MEGF8: variants seen among roughly 807,000 people sequenced by gnomAD.
MEGF8 encodes multiple EGF like domains 8, also known as multiple epidermal growth factor-like domains protein 8.
A neutral mutation model predicts 302.9 loss-of-function variants in MEGF8; 156 were observed. The ratio of observed to expected loss-of-function variants is 0.52; its 90% confidence interval spans 0.45 to 0.59. The LOEUF (loss-of-function observed/expected upper bound fraction) is 0.59, where lower values mean the gene tolerates loss of function less well. Ranked by LOEUF, MEGF8 falls within the 20% of genes least tolerant of loss-of-function variation. The pLI, the probability that MEGF8 is intolerant of heterozygous loss-of-function variation, is 0.00. For synonymous variants in MEGF8, 1,621 were observed against 1,660.5 expected (o/e 0.98, Z 0.58); for missense variants, 3,345 against 3,964.5 (o/e 0.84, Z 4.20).
chr19:42,363,863 G>C (rs559657723), intron 35 of MEGF8, among the ~76,000 whole-genome samples: 29 of 152,138 alleles, frequency 1.9e-4, no homozygotes, highest in African/African-American at 6.5e-4. Flanking sequence ...CTCCATTGTC[G>C]GGTTTCTGTC....
intron 32 of MEGF8, 140 bp downstream of exon 32, chr19:42,361,146 G>A (rs2039526236): frequency 1.1e-5 from 10 of 886,054 alleles, no homozygotes; most frequent in South Asian, 6.7e-5. Flanking sequence ...CAGGGTGGCC[G>A]GGGGAGCTCT....
rs765337936 is a variant in MEGF8 at position 42,354,664 on chromosome 19, T to C, written c.4088T>C (p.Ile1363Thr). 6.2e-7 allele frequency: 1 copy of C among 1,612,280 alleles called. No homozygotes were observed. The highest frequency in any genetic ancestry group is 8.5e-7 in the Non-Finnish European group (1 of 1,179,804). The change falls in exon 23 of 42, where the codon ATA becomes ACA. Residue 1363 changes from isoleucine (I) to threonine (T), a missense_variant. Coordinates refer to ENST00000251268, the MANE Select transcript of MEGF8 (RefSeq NM_001271938.2). The surrounding 1 kb of genome is among the most constrained non-coding windows in gnomAD (Gnocchi z 4.3). ...GTTGTCCAGTCGGACCGCAGCCTCATAGCTGCCTTCTGCGGCCAGCGACGG... is the reference window on the plus strand; with the variant it reads ...GTTGTCCAGTCGGACCGCAGCCTCACAGCTGCCTTCTGCGGCCAGCGACGG... ...TGVVQSDRSL[I>T]AAFCGQRRDR...
At chr19:42,350,850 C>G (rs1029873973) in intron 15 of MEGF8, among the ~76,000 whole-genome samples, 1 of 152,132 alleles carries the variant, frequency 6.6e-6, no homozygotes, top group South Asian at 2.1e-4. Flanking sequence ...TCCAGGAGCT[C>G]AACAGAAGTC....
rs1408926604 is a variant in MEGF8, at chr19:42,378,056, T to C, written c.*1281T>C. 6.6e-6 allele frequency: 1 copy of C among 152,170 alleles called. No homozygotes were observed. Among genetic ancestry groups the C allele is most frequent in the Non-Finnish European group, 1.5e-5 (1 of 68,028 alleles). 9.4% of individuals were successfully genotyped at this position (152,170 alleles called of 1,614,324 possible). On this transcript the variant is annotated 3_prime_UTR_variant, in exon 42 of 42. Transcript: ENST00000251268. The stretch of plus-strand genomic sequence containing the variant: ...ATTGAATGGGGCAGACTGAGGCTTG[T>C]GAGGAAGATCAGAGTCTGGTTCTTG...
chr19:42,359,303 T>C, intron 31 of MEGF8, 61 bp downstream of exon 31: 1 of 1,433,248 alleles, frequency 7.0e-7, no homozygotes. Context: ...CCCATCCCCA[T>C]CCTGGGACTC....
rs973495929 is a variant in MEGF8, at chr19:42,375,575, G to A, written c.7338G>A (p.Ser2446=). 1.5e-5 allele frequency: 24 copies of A among 1,596,968 alleles called. No individual in the cohort carries two copies. Among genetic ancestry groups the A allele is most frequent in the Admixed American group, 5.2e-5 (3 of 57,616 alleles). The stretch of plus-strand genomic sequence containing the variant: ...GCCAGCAGTGCTACCGCCTCATCTC[G>A]GTGGAGCAGGAGTGCTGCCTGGACC... ...LGGQQCYRLI[S]VEQECCLDPT... is the part of the protein sequence containing the mutation. The change falls in exon 42 of 42, where the codon TCG becomes TCA. Residue 2446 remains serine, a synonymous_variant. Coordinates refer to ENST00000251268, the MANE Select transcript of MEGF8 (RefSeq NM_001271938.2). This position sits in a 1 kb window ranked among gnomAD's most constrained non-coding sequence, Gnocchi z 7.1.
Position 42,352,292 on chromosome 19 carries a change from C to T in MEGF8, c.3186C>T (p.Ala1062=). Reference sequence around the variant, plus strand: ...GGGAGGGCCTGGGGCTTCCCGTGGCCCTCCCTGCCCGCTGGGCATACGCCC... The same window carrying T: ...GGGAGGGCCTGGGGCTTCCCGTGGCTCTCCCTGCCCGCTGGGCATACGCCC... ...WVGEGLGLPV[A]LPARWAYARC... The change falls in exon 19 of 42, where the codon GCC becomes GCT. Residue 1062 remains alanine (A), a synonymous_variant. Coordinates refer to ENST00000251268, the MANE Select transcript of MEGF8 (RefSeq NM_001271938.2). This position sits in a 1 kb window ranked among gnomAD's most constrained non-coding sequence, Gnocchi z 4.4. The T allele has an allele frequency of 6.4e-7, 1 of 1,570,806 alleles. No homozygotes were observed. Among genetic ancestry groups the T allele is most frequent in the South Asian group, 1.2e-5 (1 of 85,776 alleles).
intron 33 of MEGF8, 40 bp downstream of exon 33, chr19:42,362,253 T>C (rs1600065334): frequency 6.2e-7 from 1 of 1,609,436 alleles, no homozygotes; most frequent in African/African-American, 1.3e-5. Flanking sequence ...GCAGCAGGTG[T>C]AGGGCAGGGA....
intron 32 of MEGF8, among the ~76,000 whole-genome samples, 171 bp downstream of exon 32, chr19:42,361,177 G>A (rs2039526878): frequency 6.6e-6 from 1 of 152,226 alleles, no homozygotes; most frequent in Non-Finnish European, 1.5e-5. Flanking sequence ...CCCTGCCTGG[G>A]ACTGGGGTCT....
intron 8 of MEGF8, among the ~76,000 whole-genome samples, chr19:42,338,287 T>C (rs2039160699): frequency 6.6e-6 from 1 of 151,972 alleles, no homozygotes; most frequent in Admixed American, 6.6e-5. Context: ...TTGCCCAGGC[T>C]GGAATGCAGT....
Position 42,349,554 on chromosome 19 carries a change from G to A in MEGF8, c.2354G>A (p.Arg785His), listed in dbSNP as rs2039338608. The change falls in exon 14 of 42, where the codon CGC (arginine) becomes CAC (histidine). Residue 785 changes from arginine to histidine, a missense_variant. By Grantham distance (29) the Arg-to-His change is conservative. Transcript: ENST00000251268. ...HQEKETRRLQ[R>H]PGSARLFPLP... ...GAGAAGGAGACGCGGCGGCTGCAGC[G>A]CCCTGGGTCTGCTCGCCTCTTCCCT... 13 of 1,611,954 alleles carry A rather than the reference G, an allele frequency of 8.1e-6. No homozygotes were observed. Among genetic ancestry groups the A allele is most frequent in the Non-Finnish European group, 1.1e-5 (13 of 1,179,820 alleles).
rs532261864 is a variant in MEGF8, at chr19:42,378,242, T to TAGG, written c.*1469_*1471dup. ...CACCCTGAGACAGCCCAGAGGTGAA[T>TAGG]AGGACCCCCAGGCTGCAGGGATAAA... On this transcript the variant is annotated 3_prime_UTR_variant, in exon 42 of 42. Coordinates refer to ENST00000251268, the MANE Select transcript of MEGF8 (RefSeq NM_001271938.2). The TAGG allele has an allele frequency of 6.6e-6, 1 of 152,118 alleles. No homozygotes were observed. The highest frequency in any genetic ancestry group is 1.5e-5 in the Non-Finnish European group (1 of 68,000). The allele number at this position is 152,118 out of a possible 1,614,324, so 9.4% of individuals were successfully genotyped here. A position where few individuals can be genotyped will look rare whatever the true frequency, so the allele number is the denominator to read the frequency against.
At position 42,358,123 on chromosome 19, in the gene MEGF8, T is replaced by C. The variant is rs777030895; in HGVS notation, c.5012-21T>C. 2.0e-6 allele frequency: 3 copies of C among 1,533,102 alleles called. No homozygotes were observed. Among genetic ancestry groups the C allele is most frequent in the South Asian group, 2.5e-5 (2 of 79,734 alleles). 95.0% of individuals were successfully genotyped at this position (1,533,102 alleles called of 1,614,324 possible). ...GCTGTTGTCAGCCCCTCCCCCAGCC[T>C]GTCACCCTGCCCCTCACCAGGTCTC... On this transcript the variant is annotated intron_variant, in intron 28 of 41. Coordinates refer to ENST00000251268, the MANE Select transcript of MEGF8 (RefSeq NM_001271938.2). This position sits in a 1 kb window ranked among gnomAD's most constrained non-coding sequence, Gnocchi z 4.4.
rs768939640 is a variant in MEGF8 at position 42,358,122 on chromosome 19, C to T, written c.5012-22C>T. 9 of 1,532,460 alleles carry T rather than the reference C, an allele frequency of 5.9e-6. No homozygotes were observed. Among genetic ancestry groups the T allele is most frequent in the Non-Finnish European group, 6.1e-6 (7 of 1,141,328 alleles). The allele number at this position is 1,532,460 out of a possible 1,614,324, so 94.9% of individuals were successfully genotyped here. ...TGCTGTTGTCAGCCCCTCCCCCAGC[C>T]TGTCACCCTGCCCCTCACCAGGTCT... is the stretch of plus-strand genomic sequence containing the variant. On this transcript the variant is annotated intron_variant, in intron 28 of 41. Transcript: ENST00000251268. The surrounding 1 kb of genome is among the most constrained non-coding windows in gnomAD (Gnocchi z 4.4).
chr19:42,359,214 C>A lies in MEGF8; in HGVS notation c.5460C>A (p.Cys1820Ter). The A allele has an allele frequency of 1.9e-6, 3 of 1,591,392 alleles. No homozygotes were observed. The highest frequency in any genetic ancestry group is 2.6e-6 in the Non-Finnish European group (3 of 1,168,816). Reference sequence around the variant, plus strand: ...ACGTTCTGCTCTACCAGGTCAACTGCAATGCCTGGCTTCTGCCCGACCTCA... The same window carrying A: ...ACGTTCTGCTCTACCAGGTCAACTGAAATGCCTGGCTTCTGCCCGACCTCA... ...SSDVLLYQVN[C>*]NAWLLPDLTR... Residue 1820 changes from cysteine (C) to a stop codon, truncating the protein, a stop_gained, in exon 31 of 42, where the codon TGC becomes TGA. Transcript: ENST00000251268. LOFTEE classifies it high-confidence loss of function.
intron 35 of MEGF8, among the ~76,000 whole-genome samples, chr19:42,363,898 C>G (rs1310497241): frequency 6.6e-6 from 1 of 152,220 alleles, no homozygotes; most frequent in Non-Finnish European, 1.5e-5. Context: ...CACACATGGC[C>G]TCAGATTGCA....
chr19:42,343,573 G>T lies in MEGF8; in HGVS notation c.1610G>T (p.Arg537Leu), dbSNP rs926015247. 6.2e-7 allele frequency: 1 copy of T among 1,613,206 alleles called. No homozygotes were observed. ...GCTGGGGGGTACAGCGGCCGGCCCC[G>T]TGGGGACTTGATGGCGTACAAGGTG... is the stretch of plus-strand genomic sequence containing the variant. The part of the protein sequence containing the change: ...LVAGGYSGRP[R>L]GDLMAYKVPP... The change falls in exon 9 of 42, where the codon CGT becomes CTT. Residue 537 changes from arginine (R) to leucine (L), a missense_variant. Physicochemically the swap from Arg to Leu is moderately radical, Grantham distance 102 (BLOSUM62 -2). Coordinates refer to ENST00000251268, the MANE Select transcript of MEGF8 (RefSeq NM_001271938.2).
rs1369695435 is a variant in MEGF8, at chr19:42,344,141, A to C, written c.1788+68A>C. 1.9e-6 allele frequency: 3 copies of C among 1,551,332 alleles called. No homozygotes were observed. The highest frequency in any genetic ancestry group is 2.6e-6 in the Non-Finnish European group (3 of 1,151,730). On this transcript the variant is annotated intron_variant, in intron 10 of 41. Coordinates refer to ENST00000251268, the MANE Select transcript of MEGF8 (RefSeq NM_001271938.2). The surrounding 1 kb of genome is among the most constrained non-coding windows in gnomAD (Gnocchi z 4.5). ...CTGCCCTCAGTGTCTCCCTCTGCCTAACCAGATGGACAAGAACTTTCCCTC... is the reference window on the plus strand; with the variant it reads ...CTGCCCTCAGTGTCTCCCTCTGCCTCACCAGATGGACAAGAACTTTCCCTC...
chr19:42,370,260 C>T lies in MEGF8; in HGVS notation c.6906C>T (p.Cys2302=), dbSNP rs1311856608. 2 of 1,613,776 alleles carry T rather than the reference C, an allele frequency of 1.2e-6. No individual in the cohort carries two copies. The highest frequency in any genetic ancestry group is 1.7e-5 in the Admixed American group (1 of 59,992). ...TCGGAGGCGGGACCTGCCGGCCCTG[C>T]CACGCCTTTTGTCGTGGAAATAGCC... ...SAVGGGTCRP[C]HAFCRGNSHI... is the part of the protein sequence containing the mutation. The change falls in exon 39 of 42, where the codon TGC becomes TGT. Residue 2302 remains cysteine (C), a synonymous_variant. Transcript: ENST00000251268.
Sources: allele counts gnomAD v4.1 joint callset (sites outside exome capture counted in the v4.1 genomes callset), GRCh38; gene constraint gnomAD v4.1.1; non-coding constraint Gnocchi (gnomAD v3.1); transcripts MANE v1.5; gene names NCBI Gene and HGNC (gene_info 2026-07-23, HGNC 2026-07-21).